The following ALG12 variants were observed in gnomAD, a reference collection of about 807,000 sequenced individuals.
ALG12 encodes the protein ALG12 alpha-1,6-mannosyltransferase.
In ALG12, 36 loss-of-function variants were observed where a neutral mutation model predicts 46.0. The ratio of observed to expected loss-of-function variants is 0.78; its 90% confidence interval spans 0.60 to 1.03. The LOEUF (loss-of-function observed/expected upper bound fraction) is 1.03. Among genes scored for constraint, ALG12 ranks in the 50% least tolerant of loss-of-function variants. ALG12 has a pLI of 0.00. For missense variants in ALG12, 599 were observed against 633.5 expected (o/e 0.95, Z 0.58); for synonymous variants, 326 against 291.6 (o/e 1.12, Z -1.20).
At chr22:49,863,625 C>CAA in the ALG12 span, among the ~76,000 whole-genome samples, 91 of 94,302 alleles carry the variant, frequency 9.6e-4, 1 homozygote, top group Middle Eastern at 0.012. Flanking sequence ...GACTCCGTCT[C>CAA]AAAAAAAAAA....
the ALG12 span, among the ~76,000 whole-genome samples, chr22:49,867,292 G>T: frequency 6.6e-6 from 1 of 152,126 alleles, no homozygotes; most frequent in Non-Finnish European, 1.5e-5. Flanking sequence ...AATGCCCAAC[G>T]CGTATGTTAT....
chr22:49,861,848 A>AT, the ALG12 span, among the ~76,000 whole-genome samples: 3 of 152,006 alleles, frequency 2.0e-5, no homozygotes, highest in African/African-American at 7.3e-5. Flanking sequence ...CGTGTGTTGC[A>AT]TTTTTTGTGT....
At chr22:49,866,778 A>G in the ALG12 span, among the ~76,000 whole-genome samples, 9 of 152,190 alleles carry the variant, frequency 5.9e-5, no homozygotes, top group African/African-American at 2.2e-4. Flanking sequence ...TGCTGCTTTA[A>G]CAAATTACCA....
At chr22:49,871,435 A>G in the ALG12 span, among the ~76,000 whole-genome samples, 1 of 152,070 alleles carries the variant, frequency 6.6e-6, no homozygotes, top group African/African-American at 2.4e-5. Flanking sequence ...CAGTGAGCCG[A>G]TATTGCCACT....
the ALG12 span, among the ~76,000 whole-genome samples, chr22:49,882,081 T>C: frequency 2.6e-5 from 4 of 152,214 alleles, no homozygotes; most frequent in African/African-American, 4.8e-5. Flanking sequence ...AAATACATGA[T>C]GTGGTGACTT....
chr22:49,904,008 GGAT>G lies in ALG12; in HGVS notation c.1294_1296del (p.Ile432del). On this transcript the variant is annotated inframe_deletion, in exon 10 of 10. Coordinates refer to ENST00000330817, the MANE Select transcript of ALG12 (RefSeq NM_024105.4). ...AGGAGCCCAGGGGCCGCCTCCATGA[GGAT>G]GTGTGTGTATGCCAGCATGCCTGTC... 1 of 1,614,196 alleles carries G rather than the reference GGAT, an allele frequency of 6.2e-7. No individual in the cohort carries two copies. The highest frequency in any genetic ancestry group is 8.5e-7 in the Non-Finnish European group (1 of 1,180,010).
the ALG12 span, chr22:49,886,962 G>A: frequency 2.6e-5 from 42 of 1,613,906 alleles, no homozygotes; most frequent in African/African-American, 4.0e-5. This position sits in a 1 kb window ranked among gnomAD's most constrained non-coding sequence, Gnocchi z 7.7. Context: ...GCTGTGACCC[G>A]CTCACCTACT....
At chr22:49,915,333 T>C (rs779322290) in intron 1 of ALG12, among the ~76,000 whole-genome samples, 2 of 151,884 alleles carry the variant, frequency 1.3e-5, no homozygotes, top group African/African-American at 2.4e-5. Context: ...CTGAGGTGGG[T>C]GGATCACGAG....
chr22:49,911,450 T>TCA (rs1569177080), intron 3 of ALG12, among the ~76,000 whole-genome samples: 114 of 151,882 alleles, frequency 7.5e-4, no homozygotes, highest in Admixed American at 2.0e-3. Context: ...TTTTTTCTTT[T>TCA]TAAGGACAGA....
chr22:49,877,553 A>G, the ALG12 span, among the ~76,000 whole-genome samples: 2 of 152,166 alleles, frequency 1.3e-5, no homozygotes, highest in Non-Finnish European at 2.9e-5. Context: ...TTGGCCTCCC[A>G]AAGTGCTGGG....
chr22:49,908,882 G>A (rs1482602253), intron 6 of ALG12, among the ~76,000 whole-genome samples: 3 of 151,092 alleles, frequency 2.0e-5, no homozygotes, highest in Non-Finnish European at 4.4e-5. Flanking sequence ...AACCAGGGAG[G>A]TGGAGGTTGC....
Position 49,904,057 on chromosome 22 carries a change from CTT to C in ALG12, c.1246_1247del (p.Lys416GlufsTer268), listed in dbSNP as rs746988876. 3.8e-5 allele frequency: 61 copies of C among 1,614,068 alleles called. No homozygotes were observed. The highest frequency in any genetic ancestry group is 5.1e-5 in the Non-Finnish European group (60 of 1,180,026). ...CTGTCCCCGGCTGCACATCCTCCCTCTTGTCGTACCTGTGGGATGAGAGCTGG... is the reference window on the plus strand; with the variant it reads ...CTGTCCCCGGCTGCACATCCTCCCTCGTCGTACCTGTGGGATGAGAGCTGG... ...LQVNSAWRYD[K>X]REDVQPGTGM... On this transcript the variant is annotated frameshift_variant, in exon 10 of 10. Coordinates refer to ENST00000330817, the MANE Select transcript of ALG12 (RefSeq NM_024105.4). LOFTEE classifies it low-confidence loss of function (END_TRUNC).
intron 3 of ALG12, among the ~76,000 whole-genome samples, chr22:49,911,917 C>G (rs1240584121): frequency 6.6e-6 from 1 of 152,170 alleles, no homozygotes; most frequent in Admixed American, 6.5e-5. Context: ...TTCCATCTTC[C>G]CAAATGCCCA....
chr22:49,893,610 T>G, the ALG12 span, among the ~76,000 whole-genome samples: 2 of 152,154 alleles, frequency 1.3e-5, no homozygotes, highest in Non-Finnish European at 2.9e-5. Context: ...AACAAAAAAT[T>G]GCAGAAACTT....
chr22:49,912,003 CCGGGATCAGCCTCGGCCA>C (rs1377521088), intron 3 of ALG12, among the ~76,000 whole-genome samples: 12 of 152,138 alleles, frequency 7.9e-5, no homozygotes, highest in East Asian at 3.9e-4. Context: ...ACCCTCGGCC[CCGGGATCAGCCTCGGCCA>C]CGGGATCACC....
At chr22:49,910,189 G>C (rs1291461443) in intron 4 of ALG12, 101 bp from the exon 5 acceptor site, 5 of 1,374,590 alleles carry the variant, frequency 3.6e-6, no homozygotes, top group Non-Finnish European at 4.9e-6. Context: ...TATTATAAAA[G>C]CCACACAAAT....
the ALG12 span, chr22:49,887,828 T>TA: frequency 6.0e-6 from 1 of 167,294 alleles, no homozygotes; most frequent in Non-Finnish European, 1.5e-5. Context: ...ATTCAGGCTT[T>TA]ACATGGTCAG....
the ALG12 span, among the ~76,000 whole-genome samples, chr22:49,892,528 G>A: frequency 1.3e-5 from 2 of 152,220 alleles, no homozygotes; most frequent in Non-Finnish European, 2.9e-5. Flanking sequence ...TGTGCTTGAG[G>A]CAAGAGGCTT....
At chr22:49,909,706 C>T (rs2060564398) in intron 5 of ALG12, among the ~76,000 whole-genome samples, 188 bp downstream of exon 5, 1 of 152,240 alleles carries the variant, frequency 6.6e-6, no homozygotes, top group South Asian at 2.1e-4. Context: ...AACAGGGGCT[C>T]CTAAGGCGCA....
Sources: gnomAD v4.1 joint callset for allele counts (sites outside exome capture counted in the v4.1 genomes callset) on GRCh38, gnomAD v4.1.1 for gene constraint, Gnocchi (gnomAD v3.1) non-coding constraint, MANE v1.5 for transcripts, NCBI Gene and HGNC (gene_info 2026-07-23, HGNC 2026-07-21) for gene names.